The following CFAP161 variants were observed in gnomAD, a reference collection of about 807,000 sequenced individuals.
CFAP161 encodes the protein cilia- and flagella-associated protein 161.
Under a neutral mutation model 29.0 loss-of-function variants are expected in CFAP161, and 25 were observed. The observed-to-expected ratio is 0.86, with a 90% CI of 0.63 to 1.20. The LOEUF (loss-of-function observed/expected upper bound fraction) is 1.20. Ranked by LOEUF, CFAP161 falls within the 50% of genes most tolerant of loss-of-function variation. The pLI is 0.00. For missense variants in CFAP161, 367 were observed against 371.9 expected (o/e 0.99, Z 0.11); for synonymous variants, 116 against 137.4 (o/e 0.84, Z 1.09).
At chr15:81,113,830 A>G (rs745754874) in intron 1 of CFAP161, among the ~76,000 whole-genome samples, 1 of 152,188 alleles carries the variant, frequency 6.6e-6, no homozygotes, top group Non-Finnish European at 1.5e-5. Flanking sequence ...CAGTGGAGCT[A>G]AAAGTCTCCA....
At chr15:81,145,702 T>G (rs1194691694) in intron 5 of CFAP161, among the ~76,000 whole-genome samples, 1 of 152,192 alleles carries the variant, frequency 6.6e-6, no homozygotes, top group Non-Finnish European at 1.5e-5. Flanking sequence ...CTTGCACATG[T>G]CAATGACCTC....
At chr15:81,104,246 G>A (rs964328842) in intron 1 of CFAP161, among the ~76,000 whole-genome samples, 1 of 152,208 alleles carries the variant, frequency 6.6e-6, no homozygotes. Context: ...ACAGGGACTG[G>A]TTCAGTCAAA....
chr15:81,142,903 A>G (rs1215317791), intron 4 of CFAP161, among the ~76,000 whole-genome samples: 1 of 152,184 alleles, frequency 6.6e-6, no homozygotes, highest in Non-Finnish European at 1.5e-5. Context: ...TCAATTCCAG[A>G]GGGGTGTGGG....
chr15:81,131,441 T>A (rs1894709880), upstream of CFAP161, among the ~76,000 whole-genome samples: 1 of 152,150 alleles, frequency 6.6e-6, no homozygotes, highest in Non-Finnish European at 1.5e-5. Flanking sequence ...AAGGAAGGTA[T>A]GATGATAGTG....
chr15:81,142,513 T>C (rs1894928372), intron 4 of CFAP161, among the ~76,000 whole-genome samples: 1 of 151,976 alleles, frequency 6.6e-6, no homozygotes, highest in Non-Finnish European at 1.5e-5. Flanking sequence ...CCTCTTTTGA[T>C]CCCCCAGGAA....
chr15:81,127,026 A>AAT (rs1327975787), intron 1 of CFAP161, among the ~76,000 whole-genome samples: 1 of 152,226 alleles, frequency 6.6e-6, no homozygotes, highest in Non-Finnish European at 1.5e-5. Flanking sequence ...TCCTTGATAG[A>AAT]ATTTGCCTAT....
intron 4 of CFAP161, among the ~76,000 whole-genome samples, chr15:81,143,203 C>T (rs2141884161): frequency 6.6e-6 from 1 of 151,846 alleles, no homozygotes; most frequent in East Asian, 1.9e-4. Flanking sequence ...GTCCCAGCTA[C>T]TCGGGAGGCT....
At chr15:81,107,091 A>T (rs948552643) in intron 1 of CFAP161, among the ~76,000 whole-genome samples, 1 of 152,178 alleles carries the variant, frequency 6.6e-6, no homozygotes, top group African/African-American at 2.4e-5. Context: ...AACAAGCCCA[A>T]TGCGACTATC....
chr15:81,133,677 C>T (rs547908928), upstream of CFAP161, among the ~76,000 whole-genome samples: 4 of 151,980 alleles, frequency 2.6e-5, no homozygotes, highest in Admixed American at 2.6e-4. Flanking sequence ...ACTTTGAGAC[C>T]CAGGGAAGGA....
chr15:81,103,260 A>G (rs186734821), intron 1 of CFAP161, among the ~76,000 whole-genome samples: 35 of 152,358 alleles, frequency 2.3e-4, no homozygotes, highest in African/African-American at 8.2e-4. Flanking sequence ...TTCCTGGCTC[A>G]TAACTCCCAT....
intron 4 of CFAP161, 56 bp from the exon 5 acceptor site, chr15:81,143,605 AT>A: frequency 6.5e-7 from 1 of 1,550,294 alleles, no homozygotes; most frequent in Non-Finnish European, 8.8e-7. Flanking sequence ...TTGCTTCTTT[AT>A]TCTCCAGCTT....
chr15:81,142,135 C>G (rs1206842234), intron 4 of CFAP161, among the ~76,000 whole-genome samples: 1 of 152,054 alleles, frequency 6.6e-6, no homozygotes, highest in Non-Finnish European at 1.5e-5. Context: ...CTCTTTTCTC[C>G]CTTCATACTG....
chr15:81,133,662 C>A (rs1894754499), upstream of CFAP161, among the ~76,000 whole-genome samples: 1 of 147,386 alleles, frequency 6.8e-6, no homozygotes, highest in South Asian at 2.3e-4. Context: ...CAGGTTCGTC[C>A]TTTAACTTTG....
chr15:81,133,894 T>TTGC (rs67632824), upstream of CFAP161, among the ~76,000 whole-genome samples: 1,334 of 149,836 alleles, frequency 8.9e-3, 17 homozygotes, highest in African/African-American at 0.024. Context: ...TAGGGCGAAA[T>TTGC]TGCTGCTGCT....
intron 4 of CFAP161, among the ~76,000 whole-genome samples, chr15:81,138,491 G>T (rs1244444375): frequency 3.3e-5 from 5 of 152,132 alleles, no homozygotes; most frequent in African/African-American, 4.8e-5. Flanking sequence ...TGCTAGCAAG[G>T]CATATTATCT....
intron 4 of CFAP161, among the ~76,000 whole-genome samples, chr15:81,141,122 A>T (rs988161948): frequency 6.6e-6 from 1 of 152,218 alleles, no homozygotes; most frequent in Non-Finnish European, 1.5e-5. Flanking sequence ...GGCATTGTAA[A>T]ATTAAGTAAA....
Position 81,146,204 on chromosome 15 carries a change from T to G in CFAP161, c.637-1654T>G, listed in dbSNP as rs181074461. ...CTGTTCCCAGGAGAACACTAAAGCC[T>G]ACTTGTCAGTGCCAGGCCAACCCCT... On this transcript the variant is annotated intron_variant, in intron 5 of 6. Coordinates refer to ENST00000286732, the MANE Select transcript of CFAP161 (RefSeq NM_173528.4). Among the ~76,000 whole-genome samples, 234 of 152,320 alleles carry G rather than the reference T, an allele frequency of 1.5e-3. 2 individuals are homozygous for G. The highest frequency in any genetic ancestry group is 5.6e-3 in the African/African-American group (231 of 41,576).
At chr15:81,139,840 G>A (rs978199893) in intron 4 of CFAP161, among the ~76,000 whole-genome samples, 1 of 152,040 alleles carries the variant, frequency 6.6e-6, no homozygotes, top group African/African-American at 2.4e-5. Flanking sequence ...TTTTGTAATG[G>A]GGTGTACCAA....
chr15:81,138,324 C>A (rs928746767), intron 4 of CFAP161, among the ~76,000 whole-genome samples, 189 bp downstream of exon 4: 3 of 152,174 alleles, frequency 2.0e-5, no homozygotes, highest in Non-Finnish European at 4.4e-5. Flanking sequence ...TTTAACTTCC[C>A]AAATTACAAA....
Sources: allele counts gnomAD v4.1 joint callset (sites outside exome capture counted in the v4.1 genomes callset), GRCh38; gene constraint gnomAD v4.1.1; transcripts MANE v1.5; gene names NCBI Gene and HGNC (gene_info 2026-07-23, HGNC 2026-07-21).